HYCC1: variants seen among roughly 807,000 people sequenced by gnomAD.
The protein encoded by HYCC1 is hyccin PI4KA lipid kinase complex subunit 1.
the HYCC1 span, chr7:22,978,475 A>G: frequency 6.3e-7 from 1 of 1,587,052 alleles, no homozygotes. Flanking sequence ...ATGTTAATTC[A>G]AGAACTGGAC....
the HYCC1 span, among the ~76,000 whole-genome samples, chr7:22,910,789 G>T: frequency 6.6e-6 from 1 of 150,754 alleles, no homozygotes; most frequent in Admixed American, 6.6e-5. Context: ...TTTTTGGGGG[G>T]GCAACTAATT....
the HYCC1 span, among the ~76,000 whole-genome samples, chr7:22,924,074 G>A: frequency 1.3e-5 from 2 of 150,034 alleles, no homozygotes; most frequent in Non-Finnish European, 3.0e-5. Context: ...AGCTACTTGA[G>A]AAGCTGAGGT....
chr7:22,957,685 T>C, the HYCC1 span, among the ~76,000 whole-genome samples: 5 of 152,018 alleles, frequency 3.3e-5, no homozygotes, highest in East Asian at 9.6e-4. Flanking sequence ...AAATTTGTCC[T>C]ACTGTGAGGG....
chr7:22,987,572 A>T, the HYCC1 span, among the ~76,000 whole-genome samples: 1 of 152,124 alleles, frequency 6.6e-6, no homozygotes, highest in African/African-American at 2.4e-5. Context: ...GAAAATACTA[A>T]TGAGAGTCCA....
At chr7:22,904,207 G>A in the HYCC1 span, among the ~76,000 whole-genome samples, 16 of 151,906 alleles carry the variant, frequency 1.1e-4, no homozygotes, top group East Asian at 3.9e-4. Context: ...CAAGGCGGGC[G>A]GATCACGAGG....
At chr7:22,922,624 G>T in the HYCC1 span, among the ~76,000 whole-genome samples, 1 of 152,134 alleles carries the variant, frequency 6.6e-6, no homozygotes, top group Non-Finnish European at 1.5e-5. Context: ...GTCATAAGTT[G>T]AACCATTATA....
the HYCC1 span, among the ~76,000 whole-genome samples, chr7:22,905,386 A>ATTTTTTTTTTTTTTTT: frequency 4.7e-4 from 21 of 44,470 alleles, no homozygotes; most frequent in African/African-American, 1.8e-3. Flanking sequence ...CTAATTTTGT[A>ATTTTTTTTTTTTTTTT]TTTTTTTTTT....
the HYCC1 span, among the ~76,000 whole-genome samples, chr7:22,909,758 C>A: frequency 1.1e-4 from 16 of 152,180 alleles, no homozygotes; most frequent in Admixed American, 3.9e-4. Flanking sequence ...CCCTTACTCA[C>A]CTGGCAAACT....
the HYCC1 span, chr7:22,961,293 T>G: frequency 6.2e-7 from 1 of 1,604,496 alleles, no homozygotes; most frequent in Non-Finnish European, 8.5e-7. Flanking sequence ...ATCCAGTGCT[T>G]TTTGAGCTAG....
At chr7:23,006,034 T>C in the HYCC1 span, among the ~76,000 whole-genome samples, 1 of 152,154 alleles carries the variant, frequency 6.6e-6, no homozygotes, top group African/African-American at 2.4e-5. Context: ...CATATACTGA[T>C]TAACAAATCA....
the HYCC1 span, among the ~76,000 whole-genome samples, chr7:22,951,480 T>C: frequency 6.6e-6 from 1 of 151,902 alleles, no homozygotes; most frequent in South Asian, 2.1e-4. Context: ...TTTACATGAA[T>C]TATGAAAAAT....
the HYCC1 span, among the ~76,000 whole-genome samples, chr7:22,973,233 C>T: frequency 6.6e-6 from 1 of 152,212 alleles, no homozygotes; most frequent in Non-Finnish European, 1.5e-5. Context: ...TTACTTATCA[C>T]CACAGTTCTG....
the HYCC1 span, among the ~76,000 whole-genome samples, chr7:22,953,521 T>C: frequency 1.3e-5 from 2 of 151,950 alleles, no homozygotes; most frequent in Admixed American, 1.3e-4. Flanking sequence ...GGAAATAAAA[T>C]GAGATTTTTT....
the HYCC1 span, among the ~76,000 whole-genome samples, chr7:22,961,582 AG>A: frequency 6.6e-6 from 1 of 152,232 alleles, no homozygotes; most frequent in Non-Finnish European, 1.5e-5. Context: ...AAATAAAAAA[AG>A]CTAAGGCAAT....
the HYCC1 span, chr7:22,937,871 C>A: frequency 1.3e-5 from 2 of 152,180 alleles, no homozygotes; most frequent in Non-Finnish European, 2.9e-5. Flanking sequence ...TCTTTGCGAT[C>A]TTCAGCAGAA....
the HYCC1 span, among the ~76,000 whole-genome samples, chr7:22,987,801 G>A: frequency 6.6e-6 from 1 of 151,934 alleles, no homozygotes. Flanking sequence ...AACCAGCTTG[G>A]GGAGAATTAG....
the HYCC1 span, among the ~76,000 whole-genome samples, chr7:22,910,418 C>G: frequency 6.6e-6 from 1 of 152,190 alleles, no homozygotes; most frequent in Non-Finnish European, 1.5e-5. Flanking sequence ...AGAAGCCAAG[C>G]AAATGTGGAT....
chr7:22,926,065 T>G, the HYCC1 span, among the ~76,000 whole-genome samples: 2 of 152,182 alleles, frequency 1.3e-5, no homozygotes, highest in Non-Finnish European at 2.9e-5. Flanking sequence ...ACCCAGAATT[T>G]CATATCCAGC....
chr7:23,000,643 T>C, the HYCC1 span, among the ~76,000 whole-genome samples: 3 of 152,170 alleles, frequency 2.0e-5, no homozygotes, highest in Non-Finnish European at 2.9e-5. Flanking sequence ...TATTTAGTCC[T>C]TTGTATAGTC....
Sources: gnomAD v4.1 joint callset for allele counts (sites outside exome capture counted in the v4.1 genomes callset) on GRCh38, gnomAD v4.1.1 for gene constraint, MANE v1.5 for transcripts, NCBI Gene and HGNC (gene_info 2026-07-23, HGNC 2026-07-21) for gene names.